Variants in FLNB observed in about 807,000 individuals in gnomAD.
The protein encoded by FLNB is filamin-B.
A neutral mutation model predicts 250.6 loss-of-function variants in FLNB; 111 were observed. The observed-to-expected ratio is 0.44, with a 90% CI of 0.38 to 0.52. The LOEUF (loss-of-function observed/expected upper bound fraction) is 0.52. FLNB is among the 20% of genes least tolerant of loss of function. The probability of loss-of-function intolerance (pLI) is 0.00; values close to 1 mark genes in which losing one functional copy is unlikely to be tolerated. For missense variants in FLNB, 2,869 were observed against 3,447.8 expected (o/e 0.83, Z 4.20); for synonymous variants, 1,302 against 1,372.1 (o/e 0.95, Z 1.13).
chr3:58,045,075 G>A (rs1428902291), intron 1 of FLNB, among the ~76,000 whole-genome samples: 1 of 152,212 alleles, frequency 6.6e-6, no homozygotes, highest in African/African-American at 2.4e-5. Flanking sequence ...GAGCCTGGGT[G>A]AAGGGATGTG....
chr3:58,163,367 AC>A, intron 43 of FLNB, 37 bp downstream of exon 43: 1 of 1,606,248 alleles, frequency 6.2e-7, no homozygotes, highest in Non-Finnish European at 8.5e-7. Flanking sequence ...CCTTAACTGA[AC>A]CAGCTCCAGG....
At chr3:58,148,129 C>T (rs907213345) in intron 34 of FLNB, 77 bp from the exon 35 acceptor site, 1 of 1,447,202 alleles carries the variant, frequency 6.9e-7, no homozygotes, top group Non-Finnish European at 9.7e-7. Context: ...CATCCGTGAA[C>T]AGCATATGGC....
In FLNB at chr3:58,110,183, G is replaced by A. The variant is rs1576735324; in HGVS notation, c.2484+13G>A. On this transcript the variant is annotated intron_variant, in intron 16 of 45. Coordinates refer to ENST00000295956, the MANE Select transcript of FLNB (RefSeq NM_001457.4). ...CTTTGCATCTCAGGTACGTGGTGGGGCCTGGGAGGAGATGGGTGGAGTAGG... is the reference window on the plus strand; with the variant it reads ...CTTTGCATCTCAGGTACGTGGTGGGACCTGGGAGGAGATGGGTGGAGTAGG... 6.2e-7 allele frequency: 1 copy of A among 1,614,092 alleles called. No individual in the cohort carries two copies. The highest frequency in any genetic ancestry group is 1.7e-5 in the Admixed American group (1 of 60,024).
rs2097292106 is a variant in FLNB at position 58,123,278 on chromosome 3, CG to C, written c.3316del (p.Glu1106SerfsTer87). The C allele has an allele frequency of 3.1e-6, 5 of 1,614,138 alleles. No homozygotes were observed. Among genetic ancestry groups the C allele is most frequent in the Non-Finnish European group, 4.2e-6 (5 of 1,180,038 alleles). ...CSVSYLPTKP[G>X]EYFVNILFEE... ...CCGTCTCTTACCTTCCCACAAAACC[CG>C]GGGAGTACTTCGTCAACATCCTCTT... On this transcript the variant is annotated frameshift_variant, in exon 21 of 46. Coordinates refer to ENST00000295956, the MANE Select transcript of FLNB (RefSeq NM_001457.4). LOFTEE classifies it high-confidence loss of function.
chr3:58,152,688 CT>C, intron 38 of FLNB: 1 of 1,247,992 alleles, frequency 8.0e-7, no homozygotes, highest in Non-Finnish European at 1.1e-6. Flanking sequence ...TTCAACCTCC[CT>C]TCCCTTTTCT....
Position 58,150,178 on chromosome 3 carries a change from G to A in FLNB, c.6318G>A (p.Pro2106=), listed in dbSNP as rs769818063. Residue 2106 remains proline (P), a synonymous_variant, in exon 38 of 46, where the codon CCG becomes CCA. Transcript: ENST00000295956. The part of the protein sequence containing the change: ...KESITRTSRA[P]SVATVGSICD... ...GCATCACCCGCACCAGTCGGGCCCC[G>A]TCCGTGGCCACTGTCGGGAGCATTT... 2.7e-5 allele frequency: 44 copies of A among 1,614,090 alleles called. No homozygotes were observed. The highest frequency in any genetic ancestry group is 1.3e-4 in the African/African-American group (10 of 74,932).
At chr3:58,082,479 A>G (rs1320842589) in intron 4 of FLNB, among the ~76,000 whole-genome samples, 2 of 152,092 alleles carry the variant, frequency 1.3e-5, no homozygotes, top group African/African-American at 4.8e-5. Flanking sequence ...TTCATAATTA[A>G]GAAAATATCG....
rs868629858 is a variant in FLNB at position 58,039,038 on chromosome 3, T to A, written c.292+30182T>A. On this transcript the variant is annotated intron_variant, in intron 1 of 45. Transcript: ENST00000295956. The stretch of plus-strand genomic sequence containing the variant: ...AGTTAGTTCCTTTTTTTTTTTTTTT[T>A]TAAAAAAAAGACAAGATCTCGCTCT... Among the ~76,000 whole-genome samples, 873 of 147,456 alleles carry A rather than the reference T, an allele frequency of 5.9e-3. 6 individuals are homozygous for A. The highest frequency in any genetic ancestry group is 0.017 in the Middle Eastern group (5 of 292).
intron 1 of FLNB, among the ~76,000 whole-genome samples, chr3:58,031,105 T>C (rs2097130219): frequency 6.6e-6 from 1 of 152,224 alleles, no homozygotes; most frequent in Non-Finnish European, 1.5e-5. Flanking sequence ...CAGAGAGGGC[T>C]ATACAGTCAT....
In FLNB at chr3:58,153,613, C is replaced by T; in HGVS notation, c.6606C>T (p.Gly2202=). The change falls in exon 39 of 46, where the codon GGC becomes GGT. Residue 2202 remains glycine, a synonymous_variant. Coordinates refer to ENST00000295956, the MANE Select transcript of FLNB (RefSeq NM_001457.4). ...ACAAGGTGCGGGCAGGAGGCCCTGG[C>T]CTGGAGAGAGGAGAAGCGGGAGTCC... is the stretch of plus-strand genomic sequence containing the variant. ...GAHKVRAGGP[G]LERGEAGVPA... 6.2e-7 allele frequency: 1 copy of T among 1,614,088 alleles called. No individual in the cohort carries two copies. Among genetic ancestry groups the T allele is most frequent in the Non-Finnish European group, 8.5e-7 (1 of 1,180,024 alleles).
intron 18 of FLNB, among the ~76,000 whole-genome samples, chr3:58,113,297 T>C (rs985166144): frequency 1.3e-5 from 2 of 152,236 alleles, no homozygotes; most frequent in African/African-American, 4.8e-5. Context: ...GTGTTCGAAG[T>C]GGTTGTTCCA....
At chr3:58,029,756 G>C (rs11130609) in intron 1 of FLNB, among the ~76,000 whole-genome samples, 113,146 of 151,572 alleles carry the variant, frequency 0.75, 43,151 homozygotes, top group East Asian at 0.95. Flanking sequence ...CAACCCCCCC[G>C]ACCTCCCCGG....
chr3:58,069,254 T>TTTC (rs1221869764), intron 1 of FLNB, among the ~76,000 whole-genome samples: 3 of 147,292 alleles, frequency 2.0e-5, no homozygotes, highest in African/African-American at 7.6e-5. Context: ...TTTTTTTTTT[T>TTTC]TCTGAGATGG....
chr3:58,095,163 G>C (rs2097236023), intron 5 of FLNB, among the ~76,000 whole-genome samples: 1 of 152,176 alleles, frequency 6.6e-6, no homozygotes, highest in Non-Finnish European at 1.5e-5. Flanking sequence ...CAGGGACACA[G>C]TGTTTAATGA....
At chr3:58,134,877 G>A in intron 27 of FLNB, 105 bp downstream of exon 27, 1 of 1,083,908 alleles carries the variant, frequency 9.2e-7, no homozygotes, top group African/African-American at 1.6e-5. Context: ...CTCAATGCAA[G>A]TTGTTTGTTA....
At position 58,136,015 on chromosome 3, in the gene FLNB, G is replaced by C; in HGVS notation, c.4708G>C (p.Asp1570His). The C allele has an allele frequency of 6.2e-7, 1 of 1,614,236 alleles. No homozygotes were observed. The highest frequency in any genetic ancestry group is 8.5e-7 in the Non-Finnish European group (1 of 1,180,046). ...AAAACCCAAAAGAGCCATTGTCCAT[G>C]ACAATAAAGATGGCACGTATGCTGT... ...EGKPKRAIVH[D>H]NKDGTYAVTY... The change falls in exon 28 of 46, where the codon GAC becomes CAC. Residue 1570 changes from aspartate to histidine, a missense_variant. Physicochemically the swap from Asp to His is moderately conservative, Grantham distance 81 (BLOSUM62 -1). Around this residue, in one of 5 missense-constraint regions of FLNB, gnomAD observed 126 missense variants for 182.0 expected, o/e 0.69. Transcript: ENST00000295956.
At position 58,145,907 on chromosome 3, in the gene FLNB, C is replaced by G; in HGVS notation, c.5426-14C>G. 6.2e-7 allele frequency: 1 copy of G among 1,614,072 alleles called. No homozygotes were observed. Among genetic ancestry groups the G allele is most frequent in the Non-Finnish European group, 8.5e-7 (1 of 1,180,014 alleles). ...AATGAGCACCAATTTTGTTTGTGTC[C>G]TTCGTAAACCCAGAGAGCCCACTCC... On this transcript the variant is annotated splice_polypyrimidine_tract_variant and intron_variant, in intron 32 of 45. Coordinates refer to ENST00000295956, the MANE Select transcript of FLNB (RefSeq NM_001457.4).
intron 33 of FLNB, 84 bp from the exon 34 acceptor site, chr3:58,146,736 G>A (rs1007008660): frequency 1.5e-5 from 22 of 1,423,162 alleles, no homozygotes; most frequent in Admixed American, 1.0e-4. Context: ...CATCAGGGCT[G>A]CCCTGGATGA....
chr3:58,009,104 G>A (rs2097094504), intron 1 of FLNB, among the ~76,000 whole-genome samples: 1 of 152,200 alleles, frequency 6.6e-6, no homozygotes, highest in Non-Finnish European at 1.5e-5. Context: ...AGGGTTGAGG[G>A]TTTGGGCTGG....
Sources: gnomAD v4.1 joint callset for allele counts (sites outside exome capture counted in the v4.1 genomes callset) on GRCh38, gnomAD v4.1.1 for gene constraint, gnomAD v4.1.1 regional missense constraint, MANE v1.5 for transcripts, NCBI Gene and HGNC (gene_info 2026-07-23, HGNC 2026-07-21) for gene names.